Variants in SPAG9 observed in about 807,000 individuals in gnomAD.
SPAG9 encodes the protein C-Jun-amino-terminal kinase-interacting protein 4.
A neutral mutation model predicts 166.5 loss-of-function variants in SPAG9; 35 were observed. That is an observed-to-expected ratio of 0.21 (90% confidence interval 0.16 to 0.28). The LOEUF (loss-of-function observed/expected upper bound fraction) is 0.28. Among genes scored for constraint, SPAG9 ranks in the 10% least tolerant of loss-of-function variants. The pLI is 1.00. For synonymous variants in SPAG9, 534 were observed against 565.5 expected, an observed-to-expected ratio of 0.94 and a Z score of 0.79; for missense variants, 1,235 against 1,603.3, an observed-to-expected ratio of 0.77 and a Z score of 3.92.
chr17:50,994,763 AAACT>A (rs1975926673), intron 18 of SPAG9, among the ~76,000 whole-genome samples: 1 of 152,214 alleles, frequency 6.6e-6, no homozygotes, highest in South Asian at 2.1e-4. Flanking sequence ...CAGCAACACA[AAACT>A]AACAGGTAAA....
In SPAG9 at chr17:51,022,874, C is replaced by T. The variant is rs1219709626; in HGVS notation, c.784-1509G>A. Among the ~76,000 whole-genome samples the T allele has an allele frequency of 4.7e-5, 7 of 150,126 alleles. No homozygotes were observed. In the East Asian group the frequency reaches 7.8e-4, roughly 17 times the overall value. The stretch of plus-strand genomic sequence containing the variant: ...CTGAGGCAGGAGAAACACTTGAACC[C>T]GGGAGGCAGAGGTTGCAGTGAGCTG... On this transcript the variant is annotated intron_variant, in intron 6 of 29. Transcript: ENST00000262013.
At chr17:51,056,380 A>AT in intron 3 of SPAG9, 32 bp downstream of exon 3, 2 of 1,238,308 alleles carry the variant, frequency 1.6e-6, no homozygotes, top group Non-Finnish European at 2.4e-6. Context: ...TGTCTCAATA[A>AT]TAGCATGGTA....
intron 2 of SPAG9, among the ~76,000 whole-genome samples, chr17:51,068,439 C>T (rs1038689302): frequency 5.3e-5 from 8 of 152,176 alleles, no homozygotes; most frequent in South Asian, 4.1e-4. Context: ...AGAATCCCAG[C>T]GGTAGAAACT....
chr17:50,988,241 A>G (rs1975231832), intron 21 of SPAG9, among the ~76,000 whole-genome samples: 1 of 152,134 alleles, frequency 6.6e-6, no homozygotes, highest in Non-Finnish European at 1.5e-5. Context: ...ATTAAATATT[A>G]ACCCATTTAT....
At chr17:51,007,187 A>G in intron 10 of SPAG9, 82 bp downstream of exon 10, 1 of 750,994 alleles carries the variant, frequency 1.3e-6, no homozygotes, top group South Asian at 1.7e-5. Flanking sequence ...TTCCATTAGT[A>G]TTATGTTAAA....
intron 1 of SPAG9, among the ~76,000 whole-genome samples, chr17:51,098,743 C>T (rs1460726303): frequency 5.9e-5 from 9 of 151,876 alleles, no homozygotes; most frequent in African/African-American, 1.4e-4. Context: ...CCGCCCCCCT[C>T]GGCCTCCCAA....
At chr17:51,049,358 C>T (rs552008882) in intron 3 of SPAG9, among the ~76,000 whole-genome samples, 1 of 150,624 alleles carries the variant, frequency 6.6e-6, no homozygotes, top group African/African-American at 2.4e-5. Flanking sequence ...CAGAATGAGA[C>T]CCCTCAAAAA....
At chr17:51,112,671 CAAAAAA>C (rs1206604151) in intron 1 of SPAG9, among the ~76,000 whole-genome samples, 4 of 41,400 alleles carry the variant, frequency 9.7e-5, no homozygotes, top group Non-Finnish European at 2.3e-4. Context: ...TCTGTCTCAA[CAAAAAA>C]AAAAAAAAAA....
rs564778620 is a variant in SPAG9, at chr17:51,042,804, T to C, written c.591-1153A>G. Among the ~76,000 whole-genome samples, 66 of 152,326 alleles carry C rather than the reference T, an allele frequency of 4.3e-4. 1 individual carries two copies. The South Asian group carries it at 9.5e-3, about 22-fold the overall frequency. ...AGCAAAGGGGTTGAGAGACTACATT[T>C]AGTCAAAGTTGTATGCACAAGGAAA... On this transcript the variant is annotated intron_variant, in intron 4 of 29. Coordinates refer to ENST00000262013, the MANE Select transcript of SPAG9 (RefSeq NM_001130528.3).
At chr17:51,067,037 A>G (rs1350972645) in intron 2 of SPAG9, among the ~76,000 whole-genome samples, 1 of 152,208 alleles carries the variant, frequency 6.6e-6, no homozygotes, top group East Asian at 1.9e-4. Flanking sequence ...TTTTCTTTAC[A>G]TATACTGTGA....
chr17:51,084,584 T>C (rs2048256877), intron 1 of SPAG9, among the ~76,000 whole-genome samples: 1 of 152,136 alleles, frequency 6.6e-6, no homozygotes, highest in Non-Finnish European at 1.5e-5. Flanking sequence ...TTTTTTTGTA[T>C]TTTTAGTAGA....
At chr17:51,062,569 G>A (rs1432293984) in intron 2 of SPAG9, among the ~76,000 whole-genome samples, 3 of 152,024 alleles carry the variant, frequency 2.0e-5, no homozygotes, top group Non-Finnish European at 4.4e-5. Context: ...TTAGTAATAT[G>A]CATTTGAGGT....
At chr17:51,116,570 C>G (rs2049293550) in intron 1 of SPAG9, among the ~76,000 whole-genome samples, 1 of 151,972 alleles carries the variant, frequency 6.6e-6, no homozygotes, top group South Asian at 2.1e-4. Flanking sequence ...AGTTCCAGAC[C>G]AGACTGGGCA....
intron 21 of SPAG9, 166 bp downstream of exon 21, chr17:50,989,511 G>T: frequency 1.5e-6 from 1 of 689,090 alleles, no homozygotes; most frequent in Non-Finnish European, 2.6e-6. Context: ...AATATCCAGC[G>T]AGAATGATGG....
intron 24 of SPAG9, among the ~76,000 whole-genome samples, chr17:50,984,630 G>A (rs1974898549): frequency 6.6e-6 from 1 of 152,152 alleles, no homozygotes; most frequent in African/African-American, 2.4e-5. Context: ...AGCTTGCAGT[G>A]AGCTGAGATT....
At chr17:50,976,398 C>A (rs1467457207) in intron 27 of SPAG9, among the ~76,000 whole-genome samples, 1 of 152,106 alleles carries the variant, frequency 6.6e-6, no homozygotes, top group Non-Finnish European at 1.5e-5. Context: ...GGGATTGAAA[C>A]CTTGCTTTCT....
chr17:51,083,389 C>T (rs1186302259), intron 1 of SPAG9, among the ~76,000 whole-genome samples: 1 of 151,406 alleles, frequency 6.6e-6, no homozygotes, highest in Non-Finnish European at 1.5e-5. Flanking sequence ...TGCCTGCCAC[C>T]GCACCCGGCT....
At chr17:50,973,723 A>G (rs970295719) in intron 28 of SPAG9, among the ~76,000 whole-genome samples, 1 of 152,244 alleles carries the variant, frequency 6.6e-6, no homozygotes, top group African/African-American at 2.4e-5. Context: ...TACACGCCAC[A>G]GTGTGGGTGG....
intron 3 of SPAG9, among the ~76,000 whole-genome samples, chr17:51,051,771 C>T (rs1379138307): frequency 1.3e-5 from 2 of 152,124 alleles, no homozygotes; most frequent in African/African-American, 4.8e-5. Context: ...AATCTAGTCA[C>T]TAACTAGCCT....
Sources: gnomAD v4.1 joint callset for allele counts (sites outside exome capture counted in the v4.1 genomes callset) on GRCh38, gnomAD v4.1.1 for gene constraint, MANE v1.5 for transcripts, NCBI Gene and HGNC (gene_info 2026-07-23, HGNC 2026-07-21) for gene names.